ZNF775: variants seen among roughly 807,000 people sequenced by gnomAD.
ZNF775 encodes the protein zinc finger protein 775.
Under a neutral mutation model 2.4 loss-of-function variants are expected in ZNF775, and 1 was observed. That is an observed-to-expected ratio of 0.41 (90% confidence interval 0.15 to 1.94). ZNF775 has a LOEUF of 1.94. Among genes scored for constraint, ZNF775 ranks in the 30% most tolerant of loss-of-function variants. The pLI, the probability that ZNF775 is intolerant of heterozygous loss-of-function variation, is 0.30. For synonymous variants in ZNF775, 381 were observed against 373.3 expected (o/e 1.02, Z -0.24); for missense variants, 823 against 826.6 (o/e 1.00, Z 0.05).
intron 1 of ZNF775, among the ~76,000 whole-genome samples, chr7:150,386,435 C>T (rs943266886): frequency 1.3e-5 from 2 of 152,132 alleles, no homozygotes; most frequent in African/African-American, 4.8e-5. Context: ...TTTCTAGATT[C>T]ATATTCACCC....
At chr7:150,396,387 G>C in intron 2 of ZNF775, 126 bp from the exon 3 acceptor site, 2 of 1,154,190 alleles carry the variant, frequency 1.7e-6, no homozygotes, top group Non-Finnish European at 1.2e-6. Flanking sequence ...GCCTTTTCTC[G>C]TGCCCTCTTT....
rs573690948 is a variant in ZNF775 at position 150,382,997 on chromosome 7, G to T, written c.-50+3605G>T. The stretch of plus-strand genomic sequence containing the variant: ...CCCTGGTTCACAGTGGCACGTTTGT[G>T]TGTCTGTGGATCTGTAGGTGTGTCT... On this transcript the variant is annotated intron_variant, in intron 1 of 2. Coordinates refer to ENST00000329630, the MANE Select transcript of ZNF775 (RefSeq NM_173680.4). This position sits in a 1 kb window ranked among gnomAD's most constrained non-coding sequence, Gnocchi z 4.6. Among the ~76,000 whole-genome samples the T allele has an allele frequency of 1.4e-4, 21 of 152,326 alleles. No homozygotes were observed. The highest frequency in any genetic ancestry group is 3.1e-4 in the Non-Finnish European group (21 of 68,024).
chr7:150,379,932 AGT>A (rs1800331231), intron 1 of ZNF775: 2 of 152,242 alleles, frequency 1.3e-5, no homozygotes, highest in Admixed American at 1.3e-4. Context: ...AGAAGTTGGA[AGT>A]GTGTGGTGTC....
At chr7:150,386,455 C>T (rs781128008) in intron 1 of ZNF775, among the ~76,000 whole-genome samples, 2 of 152,152 alleles carry the variant, frequency 1.3e-5, no homozygotes, top group East Asian at 1.9e-4. Context: ...CCTCCCCCGA[C>T]GTCTCTTGTC....
In ZNF775 at chr7:150,397,631, C is replaced by A; in HGVS notation, c.1150C>A (p.His384Asn). The change falls in exon 3 of 3, where the codon CAC becomes AAC. Residue 384 changes from histidine (H) to asparagine (N), a missense_variant. Physicochemically the swap from His to Asn is moderately conservative, Grantham distance 68 (BLOSUM62 1). Coordinates refer to ENST00000329630, the MANE Select transcript of ZNF775 (RefSeq NM_173680.4). ...CCGCAGCCGCGCCGCGCTGCGCGCC[C>A]ACCAGCGCGCCCACGCTGTCGCTGA... ...SCRSRAALRAHQRAHAVAEPA... is the reference protein window; with the variant it reads ...SCRSRAALRANQRAHAVAEPA... 7.5e-7 allele frequency: 1 copy of A among 1,340,118 alleles called. No individual in the cohort carries two copies. Among genetic ancestry groups the A allele is most frequent in the Non-Finnish European group, 9.5e-7 (1 of 1,051,164 alleles). The allele number at this position is 1,340,118 out of a possible 1,614,324, so 83.0% of individuals were successfully genotyped here.
rs1286459914 is a variant in ZNF775 at position 150,396,717 on chromosome 7, A to C, written c.236A>C (p.Glu79Ala). The C allele has an allele frequency of 3.8e-6, 6 of 1,599,336 alleles. No homozygotes were observed. Among genetic ancestry groups the C allele is most frequent in the Middle Eastern group, 1.7e-4 (1 of 6,028 alleles). Residue 79 changes from glutamate (E) to alanine (A), a missense_variant, in exon 3 of 3, where the codon GAG becomes GCG. Glu to Ala is a moderately radical substitution (Grantham distance 107). Transcript: ENST00000329630. ...SGSPRWAPPTEQDAGLAGRAP... is the reference protein window; with the variant it reads ...SGSPRWAPPTAQDAGLAGRAP... ...AGTCCAAGGTGGGCCCCTCCCACTG[A>C]GCAGGATGCGGGGCTGGCAGGCCGG... is the stretch of plus-strand genomic sequence containing the variant.
In ZNF775 at chr7:150,395,778, C is replaced by T. The variant is rs143268960; in HGVS notation, c.32-735C>T. Among the ~76,000 whole-genome samples, 578 of 152,340 alleles carry T rather than the reference C, an allele frequency of 3.8e-3. 2 individuals are homozygous for T. The highest frequency in any genetic ancestry group is 6.9e-3 in the Non-Finnish European group (470 of 68,024). On this transcript the variant is annotated intron_variant, in intron 2 of 2. Transcript: ENST00000329630. ...CTGGGAGCAGTGGGTGTGGGACCCCCATGAGTAAAGTGGATTGGATTTAAC... is the reference window on the plus strand; with the variant it reads ...CTGGGAGCAGTGGGTGTGGGACCCCTATGAGTAAAGTGGATTGGATTTAAC...
chr7:150,380,339 G>C (rs1176834028), intron 1 of ZNF775, among the ~76,000 whole-genome samples: 1 of 152,206 alleles, frequency 6.6e-6, no homozygotes, highest in Non-Finnish European at 1.5e-5. Flanking sequence ...TGTGGAGCCT[G>C]TACTGGGTGC....
At position 150,397,618 on chromosome 7, in the gene ZNF775, C is replaced by A. The variant is rs1354545878; in HGVS notation, c.1137C>A (p.Ala379=). Residue 379 remains alanine, a synonymous_variant, in exon 3 of 3, where the codon GCC becomes GCA. Transcript: ENST00000329630. ...PSCGKSCRSR[A]ALRAHQRAHA... The stretch of plus-strand genomic sequence containing the variant: ...GCGGTAAGAGCTGCCGCAGCCGCGC[C>A]GCGCTGCGCGCCCACCAGCGCGCCC... 4 of 1,372,872 alleles carry A rather than the reference C, an allele frequency of 2.9e-6. No homozygotes were observed. The highest frequency in any genetic ancestry group is 2.8e-6 in the Non-Finnish European group (3 of 1,070,090). 85.0% of individuals were successfully genotyped at this position (1,372,872 alleles called of 1,614,324 possible). A position where few individuals can be genotyped will look rare whatever the true frequency, so the allele number is the denominator to read the frequency against.
At chr7:150,394,943 G>T (rs1880316) in intron 2 of ZNF775, among the ~76,000 whole-genome samples, 68,500 of 151,920 alleles carry the variant, frequency 0.45, 15,641 homozygotes, top group Admixed American at 0.5. Context: ...TCCATTCTTG[G>T]CTTGATACTG....
In ZNF775 at chr7:150,398,002, C is replaced by A; in HGVS notation, c.1521C>A (p.Cys507Ter). 1.9e-6 allele frequency: 3 copies of A among 1,588,034 alleles called. No individual in the cohort carries two copies. Among genetic ancestry groups the A allele is most frequent in the Non-Finnish European group, 2.6e-6 (3 of 1,173,342 alleles). The change falls in exon 3 of 3, where the codon TGC (cysteine) becomes TGA (stop). Residue 507 changes from cysteine to a stop codon, truncating the protein, a stop_gained. Coordinates refer to ENST00000329630, the MANE Select transcript of ZNF775 (RefSeq NM_173680.4). LOFTEE classifies it low-confidence loss of function (END_TRUNC). ...AGCGGCCCTACCTGTGTCCCGCCTG[C>A]GGCCGCGGCTTCAGCCAGAAGCAGC... ...TGERPYLCPA[C>*]GRGFSQKQHL...
chr7:150,389,273 C>CT (rs1800513497), intron 2 of ZNF775, among the ~76,000 whole-genome samples: 1 of 152,150 alleles, frequency 6.6e-6, no homozygotes, highest in Non-Finnish European at 1.5e-5. Flanking sequence ...AGGGGAATTG[C>CT]CCCATAGACC....
chr7:150,398,079 A>G lies in ZNF775; in HGVS notation c.1598A>G (p.Lys533Arg), dbSNP rs1018252747. 6 of 1,554,884 alleles carry G rather than the reference A, an allele frequency of 3.9e-6. No individual in the cohort carries two copies. The highest frequency in any genetic ancestry group is 1.2e-5 in the South Asian group (1 of 86,054). The change falls in exon 3 of 3, where the codon AAG (lysine) becomes AGG (arginine). Residue 533 changes from lysine to arginine, a missense_variant. Physicochemically the swap from Lys to Arg is conservative, Grantham distance 26. Transcript: ENST00000329630. ...CGCGCGGCCCCTGCGTGCAGCCCCA[A>G]GGAGGAGGCGCGCTAGTGGACTGGA... ...VHRAAPACSP[K>R]EEAR
In ZNF775 at chr7:150,390,287, G is replaced by A. The variant is rs551335638; in HGVS notation, c.31+1786G>A. Among the ~76,000 whole-genome samples, 35 of 152,238 alleles carry A rather than the reference G, an allele frequency of 2.3e-4. No homozygotes were observed. In the South Asian group the frequency reaches 5.4e-3, roughly 23 times the overall value. ...TCAGCTCCAGGGCCTCCAGGGATGC[G>A]TGCTGGACTTAGCACCTCGCCCAAC... is the stretch of plus-strand genomic sequence containing the variant. On this transcript the variant is annotated intron_variant, in intron 2 of 2. Coordinates refer to ENST00000329630, the MANE Select transcript of ZNF775 (RefSeq NM_173680.4).
intron 2 of ZNF775, among the ~76,000 whole-genome samples, chr7:150,395,104 A>G (rs2116473539): frequency 6.6e-6 from 1 of 152,252 alleles, no homozygotes; most frequent in East Asian, 1.9e-4. Context: ...GTACACTGAG[A>G]TGTTCTTCTC....
intron 1 of ZNF775, among the ~76,000 whole-genome samples, chr7:150,387,535 C>G (rs534135884): frequency 6.6e-6 from 1 of 151,958 alleles, no homozygotes; most frequent in Non-Finnish European, 1.5e-5. Context: ...AAAAGAAGGC[C>G]GGGCGCAGTG....
chr7:150,397,065 A>C lies in ZNF775; in HGVS notation c.584A>C (p.Glu195Ala). Residue 195 changes from glutamate (E) to alanine (A), a missense_variant, in exon 3 of 3, where the codon GAG becomes GCG. By Grantham distance (107) the Glu-to-Ala change is moderately radical. Coordinates refer to ENST00000329630, the MANE Select transcript of ZNF775 (RefSeq NM_173680.4). ...HSRPATHSCP[E>A]CERCFRHQVG... ...CGGCCCGCCACCCACTCGTGCCCCG[A>C]GTGCGAGCGCTGCTTCCGTCACCAG... is the stretch of plus-strand genomic sequence containing the variant. 2 of 1,590,838 alleles carry C rather than the reference A, an allele frequency of 1.3e-6. No individual in the cohort carries two copies. The highest frequency in any genetic ancestry group is 1.7e-6 in the Non-Finnish European group (2 of 1,175,490).
In ZNF775 at chr7:150,397,565, G is replaced by T; in HGVS notation, c.1084G>T (p.Gly362Cys). The T allele has an allele frequency of 6.6e-7, 1 of 1,512,538 alleles. No individual in the cohort carries two copies. Among genetic ancestry groups the T allele is most frequent in the Non-Finnish European group, 8.8e-7 (1 of 1,137,928 alleles). 93.7% of individuals were successfully genotyped at this position (1,512,538 alleles called of 1,614,324 possible). A position where few individuals can be genotyped will look rare whatever the true frequency, so the allele number is the denominator to read the frequency against. The change falls in exon 3 of 3, where the codon GGC (glycine) becomes TGC (cysteine). Residue 362 changes from glycine (G) to cysteine (C), a missense_variant. By Grantham distance (159) the Gly-to-Cys change is radical (BLOSUM62 -3). Transcript: ENST00000329630. ...CAAGCACCTGCGCACGCACCTGCCC[G>T]GCGCCCAGGCTGCGCCCTGCCCCAG... ...LLKHLRTHLP[G>C]AQAAPCPSCG...
In ZNF775 at chr7:150,382,501, G is replaced by T. The variant is rs1800382925; in HGVS notation, c.-50+3109G>T. ...GGGAGGGACCAGGAAGGGTGGCCTTGAGAAGGACATCCCTGCCAGCCTCAG... is the reference window on the plus strand; with the variant it reads ...GGGAGGGACCAGGAAGGGTGGCCTTTAGAAGGACATCCCTGCCAGCCTCAG... On this transcript the variant is annotated intron_variant, in intron 1 of 2. Transcript: ENST00000329630. This position sits in a 1 kb window ranked among gnomAD's most constrained non-coding sequence, Gnocchi z 4.6. 6.6e-6 allele frequency among the ~76,000 whole-genome samples: 1 copy of T among 152,188 alleles called. No homozygotes were observed. Among genetic ancestry groups the T allele is most frequent in the Admixed American group, 6.5e-5 (1 of 15,282 alleles).
Sources: gnomAD v4.1 joint callset for allele counts (sites outside exome capture counted in the v4.1 genomes callset) on GRCh38, gnomAD v4.1.1 for gene constraint, Gnocchi (gnomAD v3.1) non-coding constraint, MANE v1.5 for transcripts, NCBI Gene and HGNC (gene_info 2026-07-23, HGNC 2026-07-21) for gene names.